Variants in SCTR observed in about 807,000 individuals in gnomAD.
SCTR encodes pancreatic secretin receptor.
Under a neutral mutation model 60.8 loss-of-function variants are expected in SCTR, and 56 were observed. The observed-to-expected ratio is 0.92, with a 90% CI of 0.74 to 1.15. The LOEUF is 1.15. Ranked by LOEUF, SCTR falls within the 50% of genes most tolerant of loss-of-function variation. The pLI is 0.00. For missense variants in SCTR, 562 were observed against 550.4 expected (o/e 1.02, Z -0.21); for synonymous variants, 202 against 217.0 (o/e 0.93, Z 0.61).
chr2:119,510,956 G>A (rs1334913304), intron 1 of SCTR, among the ~76,000 whole-genome samples: 1 of 152,082 alleles, frequency 6.6e-6, no homozygotes, highest in Non-Finnish European at 1.5e-5. Context: ...CCAGCACTTT[G>A]GGAGGCTGAG....
At chr2:119,440,881 T>C (rs951585732) in intron 12 of SCTR, among the ~76,000 whole-genome samples, 3 of 152,244 alleles carry the variant, frequency 2.0e-5, no homozygotes, top group African/African-American at 7.2e-5. Flanking sequence ...CTAGGCTTGA[T>C]ATTTGATTTT....
chr2:119,446,315 G>A (rs1370197082), intron 11 of SCTR, among the ~76,000 whole-genome samples: 2 of 152,102 alleles, frequency 1.3e-5, no homozygotes, highest in African/African-American at 4.8e-5. Context: ...GCCACTTGAG[G>A]AGTTTTCAGT....
chr2:119,524,192 A>G lies in SCTR; in HGVS notation c.35T>C (p.Leu12Pro), dbSNP rs1368048837. The G allele has an allele frequency of 6.6e-7, 1 of 1,523,922 alleles. No individual in the cohort carries two copies. 94.4% of individuals were successfully genotyped at this position (1,523,922 alleles called of 1,614,324 possible). ...GCAGGCGAGCAGCACCGGCAGTAGT[A>G]GCTGCTGCAGCGGCGGCGACAGGTG... is the stretch of plus-strand genomic sequence containing the variant. ...RPHLSPPLQQ[L>P]LLPVLLACAA... The change falls in exon 1 of 13, where the codon CTA becomes CCA. Residue 12 changes from leucine (L) to proline (P), a missense_variant. Leu to Pro is a moderately conservative substitution (Grantham distance 98). Transcript: ENST00000019103.
chr2:119,491,642 G>A (rs1397815228), intron 2 of SCTR, among the ~76,000 whole-genome samples: 4 of 152,136 alleles, frequency 2.6e-5, no homozygotes, highest in Non-Finnish European at 4.4e-5. Flanking sequence ...CTCCTGAGTA[G>A]CTGGGATTAC....
At chr2:119,517,517 C>A (rs543347232) in intron 1 of SCTR, among the ~76,000 whole-genome samples, 40 of 152,092 alleles carry the variant, frequency 2.6e-4, no homozygotes, top group African/African-American at 9.7e-4. Context: ...TGTGGCAAAT[C>A]GAAGGGCACT....
chr2:119,489,290 C>T (rs1056666204), intron 2 of SCTR, among the ~76,000 whole-genome samples: 38 of 152,308 alleles, frequency 2.5e-4, no homozygotes, highest in African/African-American at 8.4e-4. Flanking sequence ...TCTGCGGGGG[C>T]CTCACCTGCC....
intron 2 of SCTR, among the ~76,000 whole-genome samples, chr2:119,482,240 A>AG (rs1166919106): frequency 3.9e-5 from 6 of 152,278 alleles, no homozygotes; most frequent in Middle Eastern, 3.4e-3. Context: ...GGCCTGGGTT[A>AG]GGGGGGATGC....
At chr2:119,463,341 A>C (rs1342590233) in intron 6 of SCTR, among the ~76,000 whole-genome samples, 1 of 152,168 alleles carries the variant, frequency 6.6e-6, no homozygotes, top group Non-Finnish European at 1.5e-5. Flanking sequence ...AAAAGATAAA[A>C]AAATGTTTAA....
At chr2:119,444,014 TGAAAC>T (rs1404411353) in intron 11 of SCTR, among the ~76,000 whole-genome samples, 2 of 141,428 alleles carry the variant, frequency 1.4e-5, no homozygotes, top group Admixed American at 6.9e-5. Flanking sequence ...GGGATGGAGA[TGAAAC>T]AAACAGGCCA....
intron 2 of SCTR, among the ~76,000 whole-genome samples, chr2:119,494,167 A>G (rs1342865728): frequency 6.6e-6 from 1 of 152,190 alleles, no homozygotes; most frequent in African/African-American, 2.4e-5. Flanking sequence ...CCAAGTCAGC[A>G]TGCAGAAGCT....
rs1553468793 is a variant in SCTR, at chr2:119,507,677, T to TC, written c.73-13130_73-13129insG. Among the ~76,000 whole-genome samples, 128 of 127,426 alleles carry TC rather than the reference T, an allele frequency of 1.0e-3. No homozygotes were observed. In the East Asian group the frequency reaches 0.014, roughly 14 times the overall value. 83.6% of individuals were successfully genotyped at this position (127,426 alleles called of 152,430 possible). A position where few individuals can be genotyped will look rare whatever the true frequency, so the allele number is the denominator to read the frequency against. ...TCTTTCTCGTTCTTTTTTTTTTTTTTTTCTTTTTTTTTTTTTGAGGCAGAG... is the reference window on the plus strand; with the variant it reads ...TCTTTCTCGTTCTTTTTTTTTTTTTTCTTCTTTTTTTTTTTTTGAGGCAGAG... On this transcript the variant is annotated intron_variant, in intron 1 of 12. Coordinates refer to ENST00000019103, the MANE Select transcript of SCTR (RefSeq NM_002980.3).
At chr2:119,501,756 T>C (rs1180921967) in intron 1 of SCTR, among the ~76,000 whole-genome samples, 1 of 151,652 alleles carries the variant, frequency 6.6e-6, no homozygotes, top group Non-Finnish European at 1.5e-5. Context: ...AAAACTATGA[T>C]ACACCAATCA....
intron 2 of SCTR, among the ~76,000 whole-genome samples, chr2:119,492,192 T>C (rs1432076563): frequency 2.6e-5 from 4 of 152,204 alleles, no homozygotes; most frequent in Non-Finnish European, 4.4e-5. Flanking sequence ...AAGCCACACA[T>C]TCAGGCAAAA....
intron 1 of SCTR, among the ~76,000 whole-genome samples, chr2:119,510,658 T>C (rs1678901555): frequency 6.6e-6 from 1 of 151,250 alleles, no homozygotes; most frequent in Non-Finnish European, 1.5e-5. Flanking sequence ...CAAATGAAGA[T>C]GAAAGAATTG....
intron 2 of SCTR, among the ~76,000 whole-genome samples, chr2:119,488,663 A>G (rs1243007581): frequency 6.6e-6 from 1 of 152,240 alleles, no homozygotes; most frequent in Non-Finnish European, 1.5e-5. Flanking sequence ...CGCCACCCAC[A>G]GGCAGGGCTG....
chr2:119,489,628 C>T (rs1678037813), intron 2 of SCTR, among the ~76,000 whole-genome samples: 1 of 152,180 alleles, frequency 6.6e-6, no homozygotes, highest in Non-Finnish European at 1.5e-5. Context: ...ATTCAGACAT[C>T]ATTCCTAGAG....
intron 4 of SCTR, among the ~76,000 whole-genome samples, chr2:119,471,746 C>A (rs1558854968): frequency 1.3e-5 from 2 of 152,084 alleles, no homozygotes; most frequent in Non-Finnish European, 2.9e-5. Flanking sequence ...ACTCCCTGGG[C>A]GGGGCACACA....
intron 8 of SCTR, 97 bp downstream of exon 8, chr2:119,453,190 A>AAGGCCTTTTTCTCAAAGTAG: frequency 1.1e-6 from 1 of 922,078 alleles, no homozygotes; most frequent in Non-Finnish European, 1.8e-6. Context: ...CTTTGAGAAA[A>AAGGCCTTTTTCTCAAAGTAG]AGGCCTTTCC....
intron 3 of SCTR, among the ~76,000 whole-genome samples, chr2:119,478,159 C>T (rs1209544038): frequency 6.6e-6 from 1 of 152,210 alleles, no homozygotes; most frequent in Non-Finnish European, 1.5e-5. Context: ...CACAGCTTTT[C>T]TCAGTCCCTG....
Sources: allele counts gnomAD v4.1 joint callset (sites outside exome capture counted in the v4.1 genomes callset), GRCh38; gene constraint gnomAD v4.1.1; transcripts MANE v1.5; gene names NCBI Gene and HGNC (gene_info 2026-07-23, HGNC 2026-07-21).